Variants in CUBN observed in about 807,000 individuals in gnomAD.
The protein encoded by CUBN is cubilin.
A neutral mutation model predicts 405.3 loss-of-function variants in CUBN; 282 were observed. The ratio of observed to expected loss-of-function variants is 0.70; its 90% confidence interval spans 0.63 to 0.77. The LOEUF is 0.77. CUBN is among the 30% of genes least tolerant of loss of function. CUBN has a pLI of 0.00. For synonymous variants in CUBN, 1,684 were observed against 1,617.0 expected (o/e 1.04, Z -0.99); for missense variants, 4,514 against 4,475.2 (o/e 1.01, Z -0.25).
intron 33 of CUBN, among the ~76,000 whole-genome samples, chr10:16,950,970 T>G (rs1307648297): frequency 7.9e-5 from 12 of 152,188 alleles, no homozygotes; most frequent in Admixed American, 7.2e-4. Context: ...GCTAGTGCCC[T>G]AAGGTTCAGA....
At chr10:16,969,345 T>G (rs369474803) in intron 31 of CUBN, among the ~76,000 whole-genome samples, 2 of 143,554 alleles carry the variant, frequency 1.4e-5, no homozygotes, top group East Asian at 4.1e-4. Flanking sequence ...GGATGGAGGC[T>G]GTGTATTACT....
At chr10:17,058,704 C>T (rs1390469564) in intron 22 of CUBN, among the ~76,000 whole-genome samples, 1 of 151,978 alleles carries the variant, frequency 6.6e-6, no homozygotes, top group Admixed American at 6.6e-5. Context: ...CATTTCTTCC[C>T]TTGACAATAT....
intron 40 of CUBN, among the ~76,000 whole-genome samples, chr10:16,932,220 C>A (rs989507811): frequency 6.6e-6 from 1 of 152,156 alleles, no homozygotes; most frequent in Non-Finnish European, 1.5e-5. Context: ...CGGCAGGGGT[C>A]TAGGGATCAG....
intron 14 of CUBN, among the ~76,000 whole-genome samples, chr10:17,095,885 TAAAGAA>T (rs1836363850): frequency 6.6e-6 from 1 of 151,980 alleles, no homozygotes; most frequent in Non-Finnish European, 1.5e-5. Flanking sequence ...GGTAAATGGA[TAAAGAA>T]AAAGTGCAAT....
At chr10:16,839,647 A>G (rs1334723011) in intron 62 of CUBN, among the ~76,000 whole-genome samples, 1 of 95,984 alleles carries the variant, frequency 1.0e-5, no homozygotes, top group African/African-American at 2.5e-5. Context: ...CCATTGTGGA[A>G]GTCAGTGTGG....
At chr10:16,854,501 A>T (rs1839813615) in intron 59 of CUBN, among the ~76,000 whole-genome samples, 1 of 152,208 alleles carries the variant, frequency 6.6e-6, no homozygotes, top group African/African-American at 2.4e-5. Context: ...TTTTACATGC[A>T]AGGGAACGAG....
rs73604216 is a variant in CUBN at position 17,122,515 on chromosome 10, G to C, written c.593+280C>G. The stretch of plus-strand genomic sequence containing the variant: ...AAGTCTTCAGCTCCTTTTGCACCAG[G>C]CCATGCTTACTCTCTGTGCCAATCA... On this transcript the variant is annotated intron_variant, in intron 6 of 66. Coordinates refer to ENST00000377833, the MANE Select transcript of CUBN (RefSeq NM_001081.4). 1.4e-3 allele frequency: 704 copies of C among 486,414 alleles called. 8 individuals are homozygous for C. The highest frequency in any genetic ancestry group is 0.013 in the African/African-American group (658 of 50,336). 30.1% of individuals were successfully genotyped at this position (486,414 alleles called of 1,614,324 possible). A position where few individuals can be genotyped will look rare whatever the true frequency, so the allele number is the denominator to read the frequency against.
At chr10:17,074,572 A>G (rs530419556) in intron 17 of CUBN, among the ~76,000 whole-genome samples, 2 of 152,332 alleles carry the variant, frequency 1.3e-5, no homozygotes, top group African/African-American at 4.8e-5. Flanking sequence ...CAGGATTACA[A>G]GTAGAGTGTA....
chr10:17,106,331 C>G (rs973062844), intron 10 of CUBN, among the ~76,000 whole-genome samples: 1 of 148,294 alleles, frequency 6.7e-6, no homozygotes, highest in Non-Finnish European at 1.5e-5. Context: ...TAATAAAGAG[C>G]CCTATGGAAT....
At chr10:16,935,645 C>T (rs1009793620) in intron 39 of CUBN, among the ~76,000 whole-genome samples, 1 of 151,752 alleles carries the variant, frequency 6.6e-6, no homozygotes, top group African/African-American at 2.4e-5. Flanking sequence ...TTTGGGAGGC[C>T]GAGGTGGGCA....
chr10:16,866,241 C>T (rs866273327), intron 59 of CUBN, among the ~76,000 whole-genome samples: 1 of 152,116 alleles, frequency 6.6e-6, no homozygotes, highest in African/African-American at 2.4e-5. Context: ...ACTGAAAGCC[C>T]CTGATCTAAC....
Position 16,958,995 on chromosome 10 carries a change from A to G in CUBN, c.4696-4447T>C, listed in dbSNP as rs549151721. 5.3e-5 allele frequency among the ~76,000 whole-genome samples: 8 copies of G among 152,308 alleles called. No homozygotes were observed. In the East Asian group the frequency reaches 1.5e-3, roughly 29 times the overall value. Reference sequence around the variant, plus strand: ...ATGGTGCATCCTCTTGTGGGGAGGAACATCATGTCACCAAGTGGCAGAAGT... The same window carrying G: ...ATGGTGCATCCTCTTGTGGGGAGGAGCATCATGTCACCAAGTGGCAGAAGT... On this transcript the variant is annotated intron_variant, in intron 31 of 66. Coordinates refer to ENST00000377833, the MANE Select transcript of CUBN (RefSeq NM_001081.4).
At chr10:16,881,323 T>A (rs990428045) in intron 56 of CUBN, among the ~76,000 whole-genome samples, 2 of 152,190 alleles carry the variant, frequency 1.3e-5, no homozygotes, top group African/African-American at 4.8e-5. Flanking sequence ...GTGAAAAGGC[T>A]GTGAAACATA....
intron 27 of CUBN, 48 bp downstream of exon 27, chr10:17,040,985 T>C: frequency 1.3e-6 from 2 of 1,548,204 alleles, no homozygotes; most frequent in Non-Finnish European, 1.8e-6. Flanking sequence ...TTGACACATC[T>C]CCCTTGATCT....
chr10:16,994,117 C>T (rs1278803293), intron 28 of CUBN, among the ~76,000 whole-genome samples: 7 of 152,026 alleles, frequency 4.6e-5, no homozygotes, highest in African/African-American at 1.7e-4. Flanking sequence ...CTGGTAATTA[C>T]GGTAGAAACT....
At chr10:16,977,205 C>T (rs1220083819) in intron 31 of CUBN, among the ~76,000 whole-genome samples, 2 of 152,082 alleles carry the variant, frequency 1.3e-5, no homozygotes, top group Non-Finnish European at 2.9e-5. Context: ...CAGCAAAGGC[C>T]CCACTCTCAA....
chr10:16,841,590 CTAATT>C (rs1364944402), intron 60 of CUBN, among the ~76,000 whole-genome samples: 1 of 152,206 alleles, frequency 6.6e-6, no homozygotes, highest in African/African-American at 2.4e-5. Context: ...CCTTTCTAAT[CTAATT>C]TCTTATTGTC....
At chr10:16,969,418 G>T (rs949448358) in intron 31 of CUBN, among the ~76,000 whole-genome samples, 2 of 151,550 alleles carry the variant, frequency 1.3e-5, no homozygotes, top group African/African-American at 2.4e-5. Flanking sequence ...GCAGTGGCAC[G>T]ATCTCAGCTC....
chr10:16,848,690 C>CTTTTTTTT lies in CUBN; in HGVS notation c.9663+2537_9663+2544dup, dbSNP rs10562297. ...TCTAGTCATTTTGGTCTCTCCCAGCCTTTTTTTTTTTTTTTTTTTTTTTTT... is the reference window on the plus strand; with the variant it reads ...TCTAGTCATTTTGGTCTCTCCCAGCCTTTTTTTTTTTTTTTTTTTTTTTTTTTTTTTTT... On this transcript the variant is annotated intron_variant, in intron 60 of 66. Coordinates refer to ENST00000377833, the MANE Select transcript of CUBN (RefSeq NM_001081.4). Among the ~76,000 whole-genome samples the CTTTTTTTT allele has an allele frequency of 8.2e-4, 44 of 53,366 alleles. 11 individuals are homozygous for CTTTTTTTT. Among genetic ancestry groups the CTTTTTTTT allele is most frequent in the Non-Finnish European group, 1.2e-3 (36 of 29,016 alleles). The allele number at this position is 53,366 out of a possible 152,430, so 35.0% of individuals were successfully genotyped here. A position where few individuals can be genotyped will look rare whatever the true frequency, so the allele number is the denominator to read the frequency against.
Sources: allele counts gnomAD v4.1 joint callset (sites outside exome capture counted in the v4.1 genomes callset), GRCh38; gene constraint gnomAD v4.1.1; transcripts MANE v1.5; gene names NCBI Gene and HGNC (gene_info 2026-07-23, HGNC 2026-07-21).